Variants in FRMD6 observed in about 807,000 individuals in gnomAD.
The protein encoded by FRMD6 is FERM domain-containing protein 6.
A neutral mutation model predicts 73.2 loss-of-function variants in FRMD6; 37 were observed. That is an observed-to-expected ratio of 0.51 (90% CI 0.39 to 0.66). The LOEUF (loss-of-function observed/expected upper bound fraction) is 0.66. FRMD6 is among the 30% of genes least tolerant of loss of function. The pLI is 0.00. For missense variants in FRMD6, 714 were observed against 780.5 expected (o/e 0.91, Z 1.02); for synonymous variants, 273 against 282.2 (o/e 0.97, Z 0.33).
chr14:51,533,386 C>T (rs552385434), intron 1 of FRMD6, among the ~76,000 whole-genome samples: 36 of 152,242 alleles, frequency 2.4e-4, no homozygotes, highest in African/African-American at 8.7e-4. Flanking sequence ...AAAACAGGTT[C>T]CACATTACAC....
chr14:51,586,146 G>A (rs192790025), intron 2 of FRMD6, among the ~76,000 whole-genome samples: 1 of 151,392 alleles, frequency 6.6e-6, no homozygotes, highest in East Asian at 1.9e-4. Flanking sequence ...CTAAGTTTTT[G>A]AGAAATCTCC....
the FRMD6 span, among the ~76,000 whole-genome samples, chr14:51,418,374 T>C: frequency 6.6e-6 from 1 of 152,214 alleles, no homozygotes; most frequent in Non-Finnish European, 1.5e-5. Flanking sequence ...TTGATGCTGT[T>C]CCTTTCCGTT....
At chr14:51,437,031 C>CGTTGTG in the FRMD6 span, 2 of 543,596 alleles carry the variant, frequency 3.7e-6, no homozygotes, top group Non-Finnish European at 6.4e-6. Context: ...TACATGTGCA[C>CGTTGTG]AACGTGCAAG....
intron 2 of FRMD6, among the ~76,000 whole-genome samples, chr14:51,576,786 GCCA>G (rs1888428691): frequency 6.6e-6 from 1 of 152,126 alleles, no homozygotes. Flanking sequence ...AGCCACTTGG[GCCA>G]TCTTGTCTGG....
chr14:51,652,816 G>GT (rs1354313592), intron 1 of FRMD6, among the ~76,000 whole-genome samples: 2 of 152,230 alleles, frequency 1.3e-5, no homozygotes, highest in African/African-American at 4.8e-5. Flanking sequence ...GTCCACCCGT[G>GT]TAAGTGTAAA....
the FRMD6 span, among the ~76,000 whole-genome samples, chr14:51,471,449 C>G: frequency 6.7e-6 from 1 of 150,162 alleles, no homozygotes; most frequent in Admixed American, 6.7e-5. Context: ...TGCAGTTAGC[C>G]GAGATAGCGC....
At chr14:51,708,018 G>A in intron 6 of FRMD6, 60 bp from the exon 7 acceptor site, 1 of 1,502,528 alleles carries the variant, frequency 6.7e-7, no homozygotes, top group Non-Finnish European at 9.2e-7. Flanking sequence ...TTTGGGGGTG[G>A]GGGTAGAACT....
intron 2 of FRMD6, among the ~76,000 whole-genome samples, chr14:51,572,145 T>C (rs1888167013): frequency 6.6e-6 from 1 of 152,258 alleles, no homozygotes; most frequent in African/African-American, 2.4e-5. Context: ...ATTCATAGCC[T>C]ATCCATAGTG....
the FRMD6 span, among the ~76,000 whole-genome samples, chr14:51,482,722 A>G: frequency 2.7e-5 from 4 of 148,478 alleles, no homozygotes; most frequent in East Asian, 2.0e-4. Flanking sequence ...TGTTTTTGAG[A>G]TGGAGTCTGG....
intron 7 of FRMD6, among the ~76,000 whole-genome samples, chr14:51,711,250 G>A (rs1414561320): frequency 6.6e-6 from 1 of 152,088 alleles, no homozygotes; most frequent in African/African-American, 2.4e-5. Flanking sequence ...TTAGAATATT[G>A]TCAGATACAA....
intron 1 of FRMD6, among the ~76,000 whole-genome samples, chr14:51,494,881 G>A (rs191380994): frequency 7.9e-5 from 12 of 152,126 alleles, no homozygotes; most frequent in East Asian, 1.9e-4. Flanking sequence ...GTCAACTATC[G>A]TTGTCATTTG....
chr14:51,573,591 A>G (rs937162088), intron 2 of FRMD6, among the ~76,000 whole-genome samples: 1 of 152,220 alleles, frequency 6.6e-6, no homozygotes, highest in African/African-American at 2.4e-5. Flanking sequence ...AGGCTGAAGC[A>G]GTATTTTTGG....
intron 1 of FRMD6, among the ~76,000 whole-genome samples, chr14:51,495,626 T>C (rs1170979507): frequency 6.6e-6 from 1 of 152,144 alleles, no homozygotes; most frequent in East Asian, 1.9e-4. Flanking sequence ...GGGGCATTGA[T>C]ATTAGAGTGT....
chr14:51,646,723 T>C (rs1892092512), intron 2 of FRMD6, among the ~76,000 whole-genome samples: 1 of 151,156 alleles, frequency 6.6e-6, no homozygotes, highest in Non-Finnish European at 1.5e-5. Flanking sequence ...CATTTTTCTG[T>C]ACTAGAGCTC....
the FRMD6 span, among the ~76,000 whole-genome samples, chr14:51,471,906 G>T: frequency 6.6e-6 from 1 of 152,114 alleles, no homozygotes; most frequent in Non-Finnish European, 1.5e-5. Flanking sequence ...CTTATAAAGG[G>T]CTGGAGGAGG....
chr14:51,706,557 A>G (rs908885260), intron 6 of FRMD6, among the ~76,000 whole-genome samples: 6 of 151,950 alleles, frequency 3.9e-5, no homozygotes, highest in Non-Finnish European at 8.8e-5. Flanking sequence ...GTGTGTCTCC[A>G]TACTTACTGT....
At chr14:51,710,783 A>G (rs989391818) in intron 7 of FRMD6, among the ~76,000 whole-genome samples, 10 of 152,286 alleles carry the variant, frequency 6.6e-5, no homozygotes, top group South Asian at 6.2e-4. Context: ...TACACTATAT[A>G]TACTTATTAC....
intron 1 of FRMD6, among the ~76,000 whole-genome samples, chr14:51,507,663 A>G (rs545526052): frequency 1.1e-3 from 168 of 152,146 alleles, no homozygotes; most frequent in African/African-American, 3.7e-3. Flanking sequence ...TCCCTTCCCC[A>G]CTAATGTGTT....
At chr14:51,592,504 G>C (rs1262439998) in intron 2 of FRMD6, among the ~76,000 whole-genome samples, 1 of 152,202 alleles carries the variant, frequency 6.6e-6, no homozygotes, top group African/African-American at 2.4e-5. Flanking sequence ...AAACTTGCCA[G>C]CAGTTGCTGA....
Sources: allele counts gnomAD v4.1 joint callset (sites outside exome capture counted in the v4.1 genomes callset), GRCh38; gene constraint gnomAD v4.1.1; transcripts MANE v1.5; gene names NCBI Gene and HGNC (gene_info 2026-07-23, HGNC 2026-07-21).